The following MOV10L1 variants were observed in gnomAD, a reference collection of about 807,000 sequenced individuals.
The protein encoded by MOV10L1 is Mov10 like RNA helicase 1, also known as RNA helicase Mov10l1.
A neutral mutation model predicts 143.8 loss-of-function variants in MOV10L1; 110 were observed. The ratio of observed to expected loss-of-function variants is 0.76; its 90% CI spans 0.66 to 0.90. The LOEUF (loss-of-function observed/expected upper bound fraction) is 0.90, where lower values mean the gene tolerates loss of function less well. Ranked by LOEUF, MOV10L1 falls within the 40% of genes least tolerant of loss-of-function variation. The pLI, the probability that MOV10L1 is intolerant of heterozygous loss-of-function variation, is 0.00. For missense variants in MOV10L1, 1,406 were observed against 1,526.8 expected, an observed-to-expected ratio of 0.92 and a Z score of 1.32; for synonymous variants, 593 against 581.1, an observed-to-expected ratio of 1.02 and a Z score of -0.29.
chr22:50,121,868 G>A, intron 10 of MOV10L1, among the ~76,000 whole-genome samples: 1 of 152,020 alleles, frequency 6.6e-6, no homozygotes, highest in East Asian at 1.9e-4. Context: ...CTCCAGCTTT[G>A]TTGTTCTTTG....
At chr22:50,125,716 T>C (rs9617086) in intron 11 of MOV10L1, 147 bp downstream of exon 11, 1 of 740,232 alleles carries the variant, frequency 1.4e-6, no homozygotes, top group Non-Finnish European at 2.2e-6. Flanking sequence ...CAGCAACCGA[T>C]GTACATCAAG....
At chr22:50,121,619 C>T (rs940070692) in intron 10 of MOV10L1, among the ~76,000 whole-genome samples, 1 of 152,202 alleles carries the variant, frequency 6.6e-6, no homozygotes, top group African/African-American at 2.4e-5. Flanking sequence ...GAGTCGCGAG[C>T]GCAGTCCTCT....
intron 1 of MOV10L1, chr22:50,090,550 A>C: frequency 6.3e-7 from 1 of 1,595,118 alleles, no homozygotes; most frequent in Non-Finnish European, 8.5e-7. Context: ...GGCCCCGCAG[A>C]CTTGGCCTGT....
chr22:50,097,457 G>A (rs1003061731), intron 2 of MOV10L1, among the ~76,000 whole-genome samples: 4 of 152,116 alleles, frequency 2.6e-5, no homozygotes, highest in African/African-American at 9.7e-5. Flanking sequence ...TAAAACGAGA[G>A]TCTAACTTTA....
intron 22 of MOV10L1, 102 bp from the exon 23 acceptor site, chr22:50,157,955 C>A: frequency 1.5e-6 from 2 of 1,354,912 alleles, no homozygotes; most frequent in South Asian, 1.4e-5. Context: ...TTTATTCTGT[C>A]ATATTCAGTG....
chr22:50,092,167 T>A lies in MOV10L1; in HGVS notation c.264T>A (p.Asn88Lys). ...TTGTGGAAGAAAATAAAGTGTCCAA[T>A]GGACTGAAAGCAATCAGGGTAAGGT... is the stretch of plus-strand genomic sequence containing the variant. ...IAVVEENKVS[N>K]GLKAIRVEAV... is the part of the protein sequence containing the mutation. Residue 88 changes from asparagine to lysine, a missense_variant, in exon 2 of 27, where the codon AAT (asparagine) becomes AAA (lysine). Around this residue, in one of 3 missense-constraint regions of MOV10L1, gnomAD observed 166 missense variants for 153.9 expected, o/e 1.08. Coordinates refer to ENST00000262794, the MANE Select transcript of MOV10L1 (RefSeq NM_018995.3). 6.2e-7 allele frequency: 1 copy of A among 1,614,038 alleles called. No homozygotes were observed.
rs182709817 is a variant in MOV10L1 at position 50,115,335 on chromosome 22, C to A, written c.1259+89C>A. On this transcript the variant is annotated intron_variant, in intron 8 of 26. Transcript: ENST00000262794. ...TGTTATAAAAGGTACTCCTTTGTGGCGGGTGGATCACCTGAGACCAGGAGT... is the reference window on the plus strand; with the variant it reads ...TGTTATAAAAGGTACTCCTTTGTGGAGGGTGGATCACCTGAGACCAGGAGT... The A allele has an allele frequency of 5.1e-5, 69 of 1,360,562 alleles. 2 individuals are homozygous for A. In the East Asian group the frequency reaches 1.7e-3, roughly 34 times the overall value. 84.3% of individuals were successfully genotyped at this position (1,360,562 alleles called of 1,614,324 possible). A position where few individuals can be genotyped will look rare whatever the true frequency, so the allele number is the denominator to read the frequency against.
At chr22:50,147,986 G>C (rs760751) in intron 19 of MOV10L1, among the ~76,000 whole-genome samples, 35,001 of 152,208 alleles carry the variant, frequency 0.23, 4,404 homozygotes, top group Admixed American at 0.36. Context: ...CTGTAAGCAG[G>C]AGCCCGCCCC....
At chr22:50,106,993 G>A (rs545939373) in intron 3 of MOV10L1, among the ~76,000 whole-genome samples, 1 of 151,224 alleles carries the variant, frequency 6.6e-6, no homozygotes, top group Non-Finnish European at 1.5e-5. Flanking sequence ...GAGCCACCAT[G>A]CCCGGCCAGG....
At chr22:50,105,189 T>G (rs992036548) in intron 3 of MOV10L1, among the ~76,000 whole-genome samples, 2 of 152,248 alleles carry the variant, frequency 1.3e-5, no homozygotes, top group Admixed American at 6.5e-5. Flanking sequence ...TTGACAATTC[T>G]GTATTTTTTT....
At position 50,149,483 on chromosome 22, in the gene MOV10L1, C is replaced by A; in HGVS notation, c.2628-132C>A. The A allele has an allele frequency of 9.1e-6, 7 of 772,150 alleles. No individual in the cohort carries two copies. In the South Asian group the frequency reaches 1.0e-4, roughly 12 times the overall value. 47.8% of individuals were successfully genotyped at this position (772,150 alleles called of 1,614,324 possible). Reference sequence around the variant, plus strand: ...CTCCAGCCGGGTGACACCCAGACCCCCAGCTCCTGCACACCCCTGGGCAAC... The same window carrying A: ...CTCCAGCCGGGTGACACCCAGACCCACAGCTCCTGCACACCCCTGGGCAAC... On this transcript the variant is annotated intron_variant, in intron 19 of 26. Coordinates refer to ENST00000262794, the MANE Select transcript of MOV10L1 (RefSeq NM_018995.3).
intron 2 of MOV10L1, chr22:50,095,263 G>A (rs750083541): frequency 3.9e-5 from 6 of 152,146 alleles, no homozygotes; most frequent in Non-Finnish European, 7.3e-5. Flanking sequence ...ACCTTATCTG[G>A]TAGATAGTTG....
rs2063282597 is a variant in MOV10L1, at chr22:50,150,905, T to C, written c.2892+6T>C. The C allele has an allele frequency of 6.2e-7, 1 of 1,613,976 alleles. No individual in the cohort carries two copies. Among genetic ancestry groups the C allele is most frequent in the Admixed American group, 1.7e-5 (1 of 60,006 alleles). Reference sequence around the variant, plus strand: ...GCGCACATAATCCCCTGTTGGTGAGTCACAGACTCCAGCGCGTTCAGGTCC... The same window carrying C: ...GCGCACATAATCCCCTGTTGGTGAGCCACAGACTCCAGCGCGTTCAGGTCC... On this transcript the variant is annotated splice_donor_region_variant and intron_variant, in intron 21 of 26. Coordinates refer to ENST00000262794, the MANE Select transcript of MOV10L1 (RefSeq NM_018995.3).
chr22:50,113,675 T>C lies in MOV10L1; in HGVS notation c.771T>C (p.Thr257=). Residue 257 remains threonine, a synonymous_variant, in exon 6 of 27, where the codon ACT becomes ACC. Coordinates refer to ENST00000262794, the MANE Select transcript of MOV10L1 (RefSeq NM_018995.3). ...ACGCCGCCCCTGTTCATGAGGCCACTCATTTCTATGGAACGATTTTGCTGA... is the reference window on the plus strand; with the variant it reads ...ACGCCGCCCCTGTTCATGAGGCCACCCATTTCTATGGAACGATTTTGCTGA... ...RRDAAPVHEA[T]HFYGTILLKN... is the part of the protein sequence containing the mutation. The C allele has an allele frequency of 1.2e-6, 2 of 1,614,016 alleles. No individual in the cohort carries two copies. Among genetic ancestry groups the C allele is most frequent in the Non-Finnish European group, 1.7e-6 (2 of 1,179,972 alleles).
rs1432674802 is a variant in MOV10L1 at position 50,096,187 on chromosome 22, C to CAG, written c.283-3255_283-3254insGA. 3 of 152,202 alleles carry CAG rather than the reference C, an allele frequency of 2.0e-5. No individual in the cohort carries two copies. In the East Asian group the frequency reaches 5.8e-4, roughly 29 times the overall value. 9.4% of individuals were successfully genotyped at this position (152,202 alleles called of 1,614,324 possible). ...AGCATCCCAGTAGACACTCTGTACC[C>CAG]ATTAAACAGTTATTCAGTGTTCTAC... is the stretch of plus-strand genomic sequence containing the variant. On this transcript the variant is annotated intron_variant, in intron 2 of 26. Coordinates refer to ENST00000262794, the MANE Select transcript of MOV10L1 (RefSeq NM_018995.3).
Position 50,090,602 on chromosome 22 carries a change from C to G in MOV10L1, c.97+417C>G, listed in dbSNP as rs922636412. 1.3e-5 allele frequency: 20 copies of G among 1,496,462 alleles called. 2 individuals carry two copies. In the South Asian group the frequency reaches 2.4e-4, roughly 18 times the overall value. 92.7% of individuals were successfully genotyped at this position (1,496,462 alleles called of 1,614,324 possible). On this transcript the variant is annotated intron_variant, in intron 1 of 26. Transcript: ENST00000262794. ...GCGCCAAGGCGTGCCATTTCCTTGTCTGGTTTTCAAGCCCATCTTTCTAAA... is the reference window on the plus strand; with the variant it reads ...GCGCCAAGGCGTGCCATTTCCTTGTGTGGTTTTCAAGCCCATCTTTCTAAA...
At chr22:50,130,673 GGAT>G (rs10579848) in intron 13 of MOV10L1, among the ~76,000 whole-genome samples, 34,038 of 151,892 alleles carry the variant, frequency 0.22, 4,168 homozygotes, top group Admixed American at 0.35. Flanking sequence ...CAGCTGTGTT[GGAT>G]GATGACGTGT....
intron 10 of MOV10L1, among the ~76,000 whole-genome samples, chr22:50,123,040 G>A (rs2062394961): frequency 6.6e-6 from 1 of 151,932 alleles, no homozygotes; most frequent in African/African-American, 2.4e-5. Flanking sequence ...TATCATGAAA[G>A]GGTGTTAAAT....
intron 10 of MOV10L1, among the ~76,000 whole-genome samples, chr22:50,123,937 C>T (rs903600444): frequency 6.6e-6 from 1 of 152,146 alleles, no homozygotes; most frequent in African/African-American, 2.4e-5. Flanking sequence ...TACGATTGCT[C>T]ATACTCTTAT....
Sources: gnomAD v4.1 joint callset for allele counts (sites outside exome capture counted in the v4.1 genomes callset) on GRCh38, gnomAD v4.1.1 for gene constraint, gnomAD v4.1.1 regional missense constraint, MANE v1.5 for transcripts, NCBI Gene and HGNC (gene_info 2026-07-23, HGNC 2026-07-21) for gene names.